The following IL1RAPL1 variants were observed in gnomAD, a reference collection of about 807,000 sequenced individuals.
The protein encoded by IL1RAPL1 is interleukin 1 receptor accessory protein like 1, also known as interleukin-1 receptor accessory protein-like 1.
Under a neutral mutation model 48.4 loss-of-function variants are expected in IL1RAPL1, and 3 were observed. The ratio of observed to expected loss-of-function variants is 0.06; its 90% confidence interval spans 0.03 to 0.16. The LOEUF (loss-of-function observed/expected upper bound fraction) is 0.16. Ranked by LOEUF, IL1RAPL1 falls within the 10% of genes least tolerant of loss-of-function variation. The pLI is 1.00. For synonymous variants in IL1RAPL1, 185 were observed against 187.7 expected (o/e 0.99, Z 0.12); for missense variants, 349 against 530.6 (o/e 0.66, Z 3.36).
chrX:29,729,703 C>CT (rs973036457), intron 6 of IL1RAPL1, among the ~76,000 whole-genome samples: 3 of 110,537 alleles, frequency 2.7e-5, no homozygotes, highest in African/African-American at 9.9e-5. Flanking sequence ...TTAATGTTTC[C>CT]TTTTTTTTAA....
At chrX:29,426,517 A>G (rs777276552) in intron 5 of IL1RAPL1, among the ~76,000 whole-genome samples, 90 of 111,368 alleles carry the variant, frequency 8.1e-4, no homozygotes, top group Non-Finnish European at 1.4e-3. Flanking sequence ...TCACATTTTC[A>G]AGACTACTCA....
chrX:29,903,939 C>T (rs1048920744), intron 6 of IL1RAPL1, among the ~76,000 whole-genome samples: 1 of 112,050 alleles, frequency 8.9e-6, no homozygotes, highest in Non-Finnish European at 1.9e-5. Context: ...GCAGACCTGG[C>T]TGACTGATAT....
chrX:29,770,385 A>G lies in IL1RAPL1; in HGVS notation c.778+101881A>G, dbSNP rs774449355. Among the ~76,000 whole-genome samples the G allele has an allele frequency of 1.6e-4, 18 of 112,094 alleles. No individual in the cohort carries two copies. The East Asian group carries it at 4.7e-3, about 30-fold the overall frequency. ...ACTTGTTTTTCAGTGTAAGGAAAAA[A>G]TGGTACAGTGTGAAAGCTAAAGTAC... On this transcript the variant is annotated intron_variant, in intron 6 of 10. Transcript: ENST00000378993.
chrX:28,775,792 A>G (rs1172338478), intron 1 of IL1RAPL1, among the ~76,000 whole-genome samples: 1 of 112,265 alleles, frequency 8.9e-6, no homozygotes, highest in East Asian at 2.8e-4. Context: ...AACTATGCCA[A>G]GCTTGTCCTG....
rs758709777 is a variant in IL1RAPL1 at position 29,917,600 on chromosome X, A to AT, written c.911+12dup. The AT allele has an allele frequency of 7.3e-5, 87 of 1,196,421 alleles. No homozygotes were observed. Among genetic ancestry groups the AT allele is most frequent in the African/African-American group, 5.3e-4 (30 of 56,562 alleles). ...GAGTTTGGGAAAGTGACATTAGGTA[A>AT]TTTTTTTTCCTTTTAACCTGTATAG... On this transcript the variant is annotated splice_donor_region_variant and intron_variant, in intron 7 of 10. Transcript: ENST00000378993.
intron 3 of IL1RAPL1, among the ~76,000 whole-genome samples, chrX:29,337,386 A>G (rs1217713064): frequency 8.9e-6 from 1 of 111,855 alleles, no homozygotes; most frequent in Non-Finnish European, 1.9e-5. Flanking sequence ...CATTTACAAG[A>G]TTACTTTCTA....
intron 2 of IL1RAPL1, among the ~76,000 whole-genome samples, chrX:29,025,609 G>T (rs1926467697): frequency 9.0e-6 from 1 of 111,381 alleles, no homozygotes; most frequent in African/African-American, 3.3e-5. Flanking sequence ...CTAGATACTT[G>T]AGTATCCTTG....
At chrX:28,653,348 ACCTGTAATC>A (rs1422003542) in intron 1 of IL1RAPL1, among the ~76,000 whole-genome samples, 1 of 110,119 alleles carries the variant, frequency 9.1e-6, no homozygotes, top group East Asian at 2.9e-4. Flanking sequence ...GGTGGCAGGC[ACCTGTAATC>A]CCAGCTACTT....
At chrX:28,711,012 A>G (rs1201920694) in intron 1 of IL1RAPL1, among the ~76,000 whole-genome samples, 1 of 111,790 alleles carries the variant, frequency 8.9e-6, no homozygotes, top group African/African-American at 3.3e-5. Context: ...ACTTAGTCTA[A>G]TGTACATTTA....
intron 7 of IL1RAPL1, among the ~76,000 whole-genome samples, chrX:29,918,243 A>T (rs1932818782): frequency 1.1e-5 from 1 of 93,463 alleles, no homozygotes; most frequent in Non-Finnish European, 2.1e-5. Flanking sequence ...TTTTTTAAAA[A>T]AAAAAAAAAA....
intron 1 of IL1RAPL1, among the ~76,000 whole-genome samples, chrX:28,787,396 G>A (rs1044351442): frequency 1.8e-5 from 2 of 111,091 alleles, no homozygotes; most frequent in African/African-American, 3.3e-5. Flanking sequence ...AATGGTATTC[G>A]GGTTTTAGGA....
At chrX:29,127,889 G>A (rs1041311405) in intron 2 of IL1RAPL1, among the ~76,000 whole-genome samples, 11 of 109,454 alleles carry the variant, frequency 1.0e-4, no homozygotes, top group African/African-American at 3.3e-4. Context: ...GCTCGAACCC[G>A]GGAGGCAGAG....
chrX:29,312,341 C>G (rs1932737589), intron 3 of IL1RAPL1, among the ~76,000 whole-genome samples: 1 of 111,154 alleles, frequency 9.0e-6, no homozygotes, highest in African/African-American at 3.3e-5. Context: ...AGGAGAATCA[C>G]TTGAACCTGG....
chrX:29,918,144 A>AAAAAAAATATAT (rs1555935868), intron 7 of IL1RAPL1, among the ~76,000 whole-genome samples: 13 of 23,759 alleles, frequency 5.5e-4, no homozygotes, highest in African/African-American at 2.6e-3. Context: ...AAAAAAAAAA[A>AAAAAAAATATAT]ATATATATAT....
At chrX:29,223,870 T>C (rs1931030831) in intron 2 of IL1RAPL1, among the ~76,000 whole-genome samples, 1 of 111,241 alleles carries the variant, frequency 9.0e-6, no homozygotes, top group South Asian at 3.8e-4. Context: ...TGCCTTTCAA[T>C]ATAACTGGTT....
chrX:29,409,162 T>C (rs1227738489), intron 5 of IL1RAPL1, among the ~76,000 whole-genome samples: 1 of 112,208 alleles, frequency 8.9e-6, no homozygotes, highest in Admixed American at 9.5e-5. Context: ...CTAACAATAA[T>C]TGATGAAATT....
At chrX:29,124,531 C>T (rs1280178604) in intron 2 of IL1RAPL1, among the ~76,000 whole-genome samples, 1 of 112,233 alleles carries the variant, frequency 8.9e-6, no homozygotes, top group African/African-American at 3.2e-5. Flanking sequence ...CCTCCAACCT[C>T]CAGAATCTAC....
chrX:29,875,082 A>G (rs947926541), intron 6 of IL1RAPL1, among the ~76,000 whole-genome samples: 1 of 111,681 alleles, frequency 9.0e-6, no homozygotes, highest in Non-Finnish European at 1.9e-5. Flanking sequence ...AACATTCCCA[A>G]TTCTTTAAAA....
chrX:29,525,771 A>C (rs777933811), intron 5 of IL1RAPL1, among the ~76,000 whole-genome samples: 3 of 111,736 alleles, frequency 2.7e-5, no homozygotes, highest in African/African-American at 9.7e-5. Flanking sequence ...GGCAAAAGAG[A>C]TGGAGGAAAG....
Sources: gnomAD v4.1 joint callset for allele counts (sites outside exome capture counted in the v4.1 genomes callset) on GRCh38, gnomAD v4.1.1 for gene constraint, MANE v1.5 for transcripts, NCBI Gene and HGNC (gene_info 2026-07-23, HGNC 2026-07-21) for gene names.